The following RNF216 variants were observed in gnomAD, a reference collection of about 807,000 sequenced individuals.
RNF216 encodes E3 ubiquitin-protein ligase RNF216.
In RNF216, 72 loss-of-function variants were observed where a neutral mutation model predicts 110.8. The ratio of observed to expected loss-of-function variants is 0.65; its 90% CI spans 0.54 to 0.79. The LOEUF (loss-of-function observed/expected upper bound fraction) is 0.79. RNF216 is among the 30% of genes least tolerant of loss of function. The pLI is 0.00. For synonymous variants in RNF216, 495 were observed against 407.5 expected, an observed-to-expected ratio of 1.21 and a Z score of -2.59; for missense variants, 1,342 against 1,141.2, an observed-to-expected ratio of 1.18 and a Z score of -2.54.
chr7:5,767,446 G>A (rs1383888345), intron 1 of RNF216, among the ~76,000 whole-genome samples: 2 of 152,122 alleles, frequency 1.3e-5, no homozygotes, highest in East Asian at 3.8e-4. Flanking sequence ...AGAATCCACT[G>A]AGAAAGAACT....
At chr7:5,673,806 G>GT (rs1208041297) in intron 13 of RNF216, among the ~76,000 whole-genome samples, 1 of 151,186 alleles carries the variant, frequency 6.6e-6, no homozygotes, top group African/African-American at 2.4e-5. Context: ...GAACCCAGGA[G>GT]TTTGAGACCA....
At chr7:5,676,692 A>G (rs902833943) in intron 13 of RNF216, among the ~76,000 whole-genome samples, 4 of 152,364 alleles carry the variant, frequency 2.6e-5, no homozygotes, top group Admixed American at 1.3e-4. Flanking sequence ...TGGGCCCCCT[A>G]TGCCCCTATT....
Position 5,641,169 on chromosome 7 carries a change from G to C in RNF216, c.2367C>G (p.Leu789=), listed in dbSNP as rs780713902. The change falls in exon 15 of 17, where the codon CTC becomes CTG. Residue 789 remains leucine (L), a synonymous_variant. Coordinates refer to ENST00000389902, the MANE Select transcript of RNF216 (RefSeq NM_207111.4). The stretch of plus-strand genomic sequence containing the variant: ...GTCTACTTACAGTGGGATCGGTCCA[G>C]AGAGAGCATCTTGAACACTCCTGGC... ...APCQECSRCS[L]WTDPTEDDEK... 6.2e-7 allele frequency: 1 copy of C among 1,613,726 alleles called. No individual in the cohort carries two copies.
At chr7:5,712,985 T>C in intron 11 of RNF216, 122 bp from the exon 12 acceptor site, 2 of 896,416 alleles carry the variant, frequency 2.2e-6, no homozygotes, top group Non-Finnish European at 3.3e-6. Context: ...TGCCTGTTCA[T>C]CTCTGAGAAA....
At chr7:5,763,829 T>C (rs1438107903) in intron 1 of RNF216, among the ~76,000 whole-genome samples, 1 of 152,106 alleles carries the variant, frequency 6.6e-6, no homozygotes, top group African/African-American at 2.4e-5. Context: ...TGCCTTGGCT[T>C]CCCAAAGTGC....
At chr7:5,686,258 C>T (rs1439896890) in intron 13 of RNF216, among the ~76,000 whole-genome samples, 2 of 148,988 alleles carry the variant, frequency 1.3e-5, no homozygotes, top group African/African-American at 5.0e-5. Flanking sequence ...ATGGAGCGTG[C>T]TTCTCCAAAC....
chr7:5,648,076 T>C (rs1454265811), intron 14 of RNF216, among the ~76,000 whole-genome samples: 1 of 152,004 alleles, frequency 6.6e-6, no homozygotes, highest in Non-Finnish European at 1.5e-5. Context: ...CCAAAAACCT[T>C]TGAGTGAGAA....
intron 2 of RNF216, among the ~76,000 whole-genome samples, 157 bp from the exon 3 acceptor site, chr7:5,753,136 A>T (rs540636071): frequency 1.3e-5 from 2 of 152,330 alleles, no homozygotes; most frequent in East Asian, 1.9e-4. Flanking sequence ...ATTAAGAGCC[A>T]TGTTTCTATG....
At chr7:5,770,385 T>A (rs764116009) in intron 1 of RNF216, among the ~76,000 whole-genome samples, 20 of 150,702 alleles carry the variant, frequency 1.3e-4, no homozygotes, top group Non-Finnish European at 2.8e-4. Flanking sequence ...CACTTGAACC[T>A]GGGAGGCGGA....
chr7:5,633,285 TG>T (rs938775420), intron 15 of RNF216, among the ~76,000 whole-genome samples: 11 of 151,502 alleles, frequency 7.3e-5, no homozygotes, highest in African/African-American at 2.7e-4. Flanking sequence ...CTGGAAGAGC[TG>T]GAAGTAAGGC....
At position 5,622,660 on chromosome 7, in the gene RNF216, C is replaced by A. The variant is rs1372628676; in HGVS notation, c.*200G>T. The A allele has an allele frequency of 3.4e-6, 2 of 584,316 alleles. No homozygotes were observed. Among genetic ancestry groups the A allele is most frequent in the Non-Finnish European group, 6.0e-6 (2 of 333,346 alleles). The allele number at this position is 584,316 out of a possible 1,614,324, so 36.2% of individuals were successfully genotyped here. A position where few individuals can be genotyped will look rare whatever the true frequency, so the allele number is the denominator to read the frequency against. On this transcript the variant is annotated 3_prime_UTR_variant, in exon 17 of 17. Transcript: ENST00000389902. ...CATCGCAGCTCTCTCCGAACTCCAC[C>A]ATTTGGGACGTCTTTATTATGGATC...
intron 1 of RNF216, among the ~76,000 whole-genome samples, chr7:5,763,860 A>C (rs1584600857): frequency 6.6e-6 from 1 of 152,168 alleles, no homozygotes; most frequent in Admixed American, 6.6e-5. Context: ...GGTGTGAACC[A>C]CCAAGCCCAG....
At chr7:5,779,728 C>T (rs1338244942) in intron 1 of RNF216, among the ~76,000 whole-genome samples, 1 of 148,548 alleles carries the variant, frequency 6.7e-6, no homozygotes, top group African/African-American at 2.5e-5. Context: ...ACTCGGGAGG[C>T]TGAGGCAGGA....
chr7:5,762,713 A>C lies in RNF216; in HGVS notation c.-69-1575T>G, dbSNP rs367757777. Among the ~76,000 whole-genome samples, 183 of 151,896 alleles carry C rather than the reference A, an allele frequency of 1.2e-3. 1 individual carries two copies. The highest frequency in any genetic ancestry group is 2.9e-3 in the South Asian group (14 of 4,812). On this transcript the variant is annotated intron_variant, in intron 1 of 16. Transcript: ENST00000389902. ...TCTCGAAAACAAACAAACAAACAAA[A>C]AAAAAATTAAAAATACAGTATGCGT...
At chr7:5,774,082 T>C (rs1554267490) in intron 1 of RNF216, among the ~76,000 whole-genome samples, 1 of 152,240 alleles carries the variant, frequency 6.6e-6, no homozygotes, top group Non-Finnish European at 1.5e-5. Flanking sequence ...TGATGGAATT[T>C]CTACTCTTAA....
At chr7:5,709,864 C>T (rs1035365653) in intron 13 of RNF216, among the ~76,000 whole-genome samples, 1 of 152,174 alleles carries the variant, frequency 6.6e-6, no homozygotes, top group Non-Finnish European at 1.5e-5. Context: ...AACTGATTGT[C>T]CTGCCTCAGT....
At chr7:5,688,047 C>T (rs6463503) in intron 13 of RNF216, among the ~76,000 whole-genome samples, 12,288 of 152,196 alleles carry the variant, frequency 0.081, 1,645 homozygotes, top group African/African-American at 0.28. Context: ...AAGGAACTAG[C>T]GACCGCAAAT....
Position 5,780,484 on chromosome 7 carries a change from G to A in RNF216, c.-70+1057C>T, listed in dbSNP as rs556035692. On this transcript the variant is annotated intron_variant, in intron 1 of 16. Coordinates refer to ENST00000389902, the MANE Select transcript of RNF216 (RefSeq NM_207111.4). ...GGCCGAGGCGGAGGGATCACCTGAG[G>A]TCAGACGTTAGAGACCAGCCTGGCC... 1.3e-4 allele frequency among the ~76,000 whole-genome samples: 20 copies of A among 152,268 alleles called. No individual in the cohort carries two copies. The South Asian group carries it at 2.7e-3, about 20-fold the overall frequency.
chr7:5,654,082 C>T (rs1314007059), intron 13 of RNF216, among the ~76,000 whole-genome samples: 1 of 152,066 alleles, frequency 6.6e-6, no homozygotes, highest in African/African-American at 2.4e-5. Flanking sequence ...GTGGAAAACA[C>T]TGGAGGGAGG....
Sources: gnomAD v4.1 joint callset for allele counts (sites outside exome capture counted in the v4.1 genomes callset) on GRCh38, gnomAD v4.1.1 for gene constraint, MANE v1.5 for transcripts, NCBI Gene and HGNC (gene_info 2026-07-23, HGNC 2026-07-21) for gene names.